The following NOMO1 variants were observed in gnomAD, a reference collection of about 807,000 sequenced individuals.
The protein encoded by NOMO1 is nodal modulator 3.
A neutral mutation model predicts 133.8 loss-of-function variants in NOMO1; 40 were observed. The ratio of observed to expected loss-of-function variants is 0.30; its 90% CI spans 0.23 to 0.39. The LOEUF (loss-of-function observed/expected upper bound fraction) is 0.39, where lower values mean the gene tolerates loss of function less well. Among genes scored for constraint, NOMO1 ranks in the 10% least tolerant of loss-of-function variants. The pLI is 1.00. For missense variants in NOMO1, 462 were observed against 1,419.9 expected, an observed-to-expected ratio of 0.33 and a Z score of 10.84; for synonymous variants, 236 against 570.5, an observed-to-expected ratio of 0.41 and a Z score of 8.36.
At chr16:14,862,571 A>G (rs1364328559) in intron 11 of NOMO1, 1 of 178,116 alleles carries the variant, frequency 5.6e-6, no homozygotes, top group Non-Finnish European at 1.2e-5. Flanking sequence ...ATCCTGACTT[A>G]TTTGATGGCC....
chr16:14,876,537 C>G lies in NOMO1; in HGVS notation c.2516+19C>G, dbSNP rs1399167680. 4 of 1,611,568 alleles carry G rather than the reference C, an allele frequency of 2.5e-6. No individual in the cohort carries two copies. The highest frequency in any genetic ancestry group is 3.4e-6 in the Non-Finnish European group (4 of 1,179,798). Reference sequence around the variant, plus strand: ...CCTACAGGTGAGCCCGGGATAGAGACACATGTGCCTGGGATCAGCGTGGGA... The same window carrying G: ...CCTACAGGTGAGCCCGGGATAGAGAGACATGTGCCTGGGATCAGCGTGGGA... On this transcript the variant is annotated intron_variant, in intron 21 of 30. Transcript: ENST00000287667.
At chr16:14,840,662 G>GAGTT (rs1207749119) in intron 2 of NOMO1, among the ~76,000 whole-genome samples, 1 of 150,076 alleles carries the variant, frequency 6.7e-6, no homozygotes, top group Non-Finnish European at 1.5e-5. Context: ...TTGAATTAAT[G>GAGTT]AGTTAATGTA....
At chr16:14,838,326 C>A (rs1347360812) in intron 1 of NOMO1, 81 bp from the exon 2 acceptor site, 6 of 1,339,008 alleles carry the variant, frequency 4.5e-6, no homozygotes, top group Admixed American at 1.8e-5. Flanking sequence ...TGTATACTGA[C>A]TGAGTGCATT....
In NOMO1 at chr16:14,889,185, T is replaced by G. The variant is rs762304572; in HGVS notation, c.3414T>G (p.His1138Gln). ...TTTCTTTCACCGCAGTGGGCTACCA[T>G]AAACACATCACCTTGATTTTTAATC... ...PQVSFTAVGY[H>Q]KHITLIFNPT... Residue 1138 changes from histidine (H) to glutamine (Q), a missense_variant, in exon 29 of 31, where the codon CAT (histidine) becomes CAG (glutamine). His to Gln is a conservative substitution (Grantham distance 24, BLOSUM62 0). Coordinates refer to ENST00000287667, the MANE Select transcript of NOMO1 (RefSeq NM_014287.4). The G allele has an allele frequency of 1.9e-6, 3 of 1,611,476 alleles. No homozygotes were observed.
intron 3 of NOMO1, among the ~76,000 whole-genome samples, chr16:14,842,735 A>T (rs1170778348): frequency 6.6e-6 from 1 of 151,472 alleles, no homozygotes; most frequent in Non-Finnish European, 1.5e-5. Context: ...TACAAATTAG[A>T]GATCCATTTG....
chr16:14,856,752 A>C (rs1009355705), intron 9 of NOMO1, among the ~76,000 whole-genome samples: 16 of 152,014 alleles, frequency 1.1e-4, no homozygotes, highest in Admixed American at 1.0e-3. Context: ...GTCGTGGTGG[A>C]AAGACAGGAG....
At chr16:14,866,128 G>T (rs1372351942) in intron 14 of NOMO1, among the ~76,000 whole-genome samples, 2 of 147,942 alleles carry the variant, frequency 1.4e-5, no homozygotes, top group African/African-American at 5.1e-5. Context: ...CGCGACCTTG[G>T]CTCACTGCAA....
intron 24 of NOMO1, among the ~76,000 whole-genome samples, chr16:14,881,146 T>G (rs1200728495): frequency 6.6e-6 from 1 of 152,136 alleles, no homozygotes; most frequent in African/African-American, 2.4e-5. Context: ...ACAGAATCAC[T>G]TTAGAGGAAG....
chr16:14,845,061 G>C (rs1356774253), intron 4 of NOMO1, among the ~76,000 whole-genome samples: 1 of 151,844 alleles, frequency 6.6e-6, no homozygotes, highest in African/African-American at 2.4e-5. Context: ...TTGCTCTGTT[G>C]CCCAGGCTGG....
chr16:14,891,393 T>C lies in NOMO1; in HGVS notation c.3444+2178T>C, dbSNP rs1368206504. ...TGTACATATTTTTCCCAATTTGTCA[T>C]TTATCTTTTCACTTGGTTTCTGCAA... On this transcript the variant is annotated intron_variant, in intron 29 of 30. Coordinates refer to ENST00000287667, the MANE Select transcript of NOMO1 (RefSeq NM_014287.4). 2.0e-5 allele frequency among the ~76,000 whole-genome samples: 3 copies of C among 151,870 alleles called. No homozygotes were observed. In the East Asian group the frequency reaches 5.8e-4, roughly 29 times the overall value.
intron 8 of NOMO1, 48 bp downstream of exon 8, chr16:14,853,652 C>T: frequency 6.2e-7 from 1 of 1,611,440 alleles, no homozygotes; most frequent in Non-Finnish European, 8.5e-7. Flanking sequence ...ACTCTCATGA[C>T]ACAGTAAAAG....
At chr16:14,840,771 C>T (rs1333020732) in intron 2 of NOMO1, among the ~76,000 whole-genome samples, 1 of 145,068 alleles carries the variant, frequency 6.9e-6, no homozygotes, top group Non-Finnish European at 1.5e-5. Flanking sequence ...AAGTGATCTT[C>T]CTGCCTCTTC....
At chr16:14,846,512 G>C in intron 4 of NOMO1, 65 bp from the exon 5 acceptor site, 1 of 593,456 alleles carries the variant, frequency 1.7e-6, no homozygotes, top group Non-Finnish European at 3.0e-6. Flanking sequence ...TTGTAAGCAG[G>C]ACTGCCAGTG....
chr16:14,871,374 T>C (rs1218940210), intron 16 of NOMO1, among the ~76,000 whole-genome samples: 2 of 152,098 alleles, frequency 1.3e-5, no homozygotes, highest in East Asian at 3.9e-4. Flanking sequence ...TACTGTGAGT[T>C]GTTACCTTAT....
At chr16:14,882,938 A>T (rs1221908549) in intron 26 of NOMO1, among the ~76,000 whole-genome samples, 5 of 152,128 alleles carry the variant, frequency 3.3e-5, no homozygotes, top group African/African-American at 1.2e-4. Context: ...TCTGATCATT[A>T]TTCTGCAAGT....
intron 1 of NOMO1, among the ~76,000 whole-genome samples, chr16:14,836,377 T>G (rs1457360389): frequency 6.6e-6 from 1 of 152,106 alleles, no homozygotes; most frequent in Non-Finnish European, 1.5e-5. Context: ...TCCCAAATGT[T>G]CAAATGTTCG....
At chr16:14,834,687 GTTT>G (rs71254287) in intron 1 of NOMO1, among the ~76,000 whole-genome samples, 10 of 127,630 alleles carry the variant, frequency 7.8e-5, no homozygotes, top group Non-Finnish European at 1.0e-4. Context: ...TGTGCTGAAG[GTTT>G]TTTTTTTTTT....
chr16:14,887,831 G>A (rs1964349317), intron 28 of NOMO1, among the ~76,000 whole-genome samples: 1 of 151,644 alleles, frequency 6.6e-6, no homozygotes, highest in African/African-American at 2.4e-5. Flanking sequence ...TCATGATGGG[G>A]GATCCCTTGA....
rs914341141 is a variant in NOMO1, at chr16:14,860,876, A to C, written c.1221-2137A>C. Among the ~76,000 whole-genome samples, 10 of 150,834 alleles carry C rather than the reference A, an allele frequency of 6.6e-5. No homozygotes were observed. In the East Asian group the frequency reaches 7.8e-4, roughly 12 times the overall value. On this transcript the variant is annotated intron_variant, in intron 11 of 30. Coordinates refer to ENST00000287667, the MANE Select transcript of NOMO1 (RefSeq NM_014287.4). ...TTTTCCTTTTTATTTTTTTTTTGAG[A>C]CAGGGTCTTACTCCGTTGCCCAGGC...
Sources: gnomAD v4.1 joint callset for allele counts (sites outside exome capture counted in the v4.1 genomes callset) on GRCh38, gnomAD v4.1.1 for gene constraint, MANE v1.5 for transcripts, NCBI Gene and HGNC (gene_info 2026-07-23, HGNC 2026-07-21) for gene names.